XKR4: variants seen among roughly 807,000 people sequenced by gnomAD.
XKR4 encodes the protein XK-related protein 4.
In XKR4, 12 loss-of-function variants were observed where a neutral mutation model predicts 53.9. That is an observed-to-expected ratio of 0.22 (90% CI 0.14 to 0.36). XKR4 has a LOEUF of 0.36. Ranked by LOEUF, XKR4 falls within the 10% of genes least tolerant of loss-of-function variation. The pLI, the probability that XKR4 is intolerant of heterozygous loss-of-function variation, is 1.00. For missense variants in XKR4, 799 were observed against 859.5 expected (o/e 0.93, Z 0.88); for synonymous variants, 354 against 362.4 (o/e 0.98, Z 0.26).
chr8:55,477,180 C>T (rs1806005956), intron 2 of XKR4, among the ~76,000 whole-genome samples: 1 of 152,078 alleles, frequency 6.6e-6, no homozygotes, highest in South Asian at 2.1e-4. Context: ...GCCGGATACT[C>T]CTCTGAGACA....
rs146434585 is a variant in XKR4, at chr8:55,202,413, C to G, written c.806+99119C>G. ...TCATGCCCTGAAAGGATGCCCTCAC[C>G]AAGGGGCCCCTCCACAAACGTGGAA... On this transcript the variant is annotated intron_variant, in intron 1 of 2. Transcript: ENST00000327381. Among the ~76,000 whole-genome samples the G allele has an allele frequency of 3.3e-5, 5 of 152,316 alleles. No individual in the cohort carries two copies. The East Asian group carries it at 9.6e-4, about 29-fold the overall frequency.
Position 55,524,099 on chromosome 8 carries a change from A to G in XKR4, c.1825A>G (p.Arg609Gly), listed in dbSNP as rs1325632007. 6.2e-7 allele frequency: 1 copy of G among 1,614,206 alleles called. No individual in the cohort carries two copies. Among genetic ancestry groups the G allele is most frequent in the Admixed American group, 1.7e-5 (1 of 60,030 alleles). ...LFRNRYPAWERHVLDRSLRKA... is the reference protein window; with the variant it reads ...LFRNRYPAWEGHVLDRSLRKA... ...CAGGAATAGGTACCCAGCATGGGAG[A>G]GACATGTTTTGGACCGAAGCCTCCG... Residue 609 changes from arginine to glycine, a missense_variant, in exon 3 of 3, where the codon AGA becomes GGA. Physicochemically the swap from Arg to Gly is moderately radical, Grantham distance 125. This residue lies in a region of XKR4 where 269 missense variants were observed against 264.4 expected (regional missense o/e 1.02). Coordinates refer to ENST00000327381, the MANE Select transcript of XKR4 (RefSeq NM_052898.2).
At chr8:55,409,394 C>T (rs555592797) in intron 2 of XKR4, among the ~76,000 whole-genome samples, 1 of 152,266 alleles carries the variant, frequency 6.6e-6, no homozygotes, top group Admixed American at 6.5e-5. Context: ...ATTTCTGACC[C>T]CAGGACTTTG....
At chr8:55,424,196 G>A (rs915178563) in intron 2 of XKR4, among the ~76,000 whole-genome samples, 2 of 152,166 alleles carry the variant, frequency 1.3e-5, no homozygotes, top group African/African-American at 4.8e-5. Context: ...AAAAATGTAG[G>A]CTTGCCTCTC....
At chr8:55,491,602 A>T (rs1463535270) in intron 2 of XKR4, among the ~76,000 whole-genome samples, 1 of 151,234 alleles carries the variant, frequency 6.6e-6, no homozygotes, top group East Asian at 1.9e-4. Context: ...CAGGTGTTCA[A>T]TGGGCTCTTT....
chr8:55,247,225 T>C (rs1033102835), intron 1 of XKR4, among the ~76,000 whole-genome samples: 3 of 152,226 alleles, frequency 2.0e-5, no homozygotes, highest in Non-Finnish European at 4.4e-5. Flanking sequence ...GTGGTAAGTG[T>C]GGGCAGGAAG....
chr8:55,250,432 C>T (rs114450851), intron 1 of XKR4, among the ~76,000 whole-genome samples: 4 of 152,312 alleles, frequency 2.6e-5, no homozygotes, highest in African/African-American at 9.6e-5. Context: ...TACATTCTAG[C>T]TCTGGCTGCC....
chr8:55,450,492 G>A, intron 2 of XKR4: 1 of 627,624 alleles, frequency 1.6e-6, no homozygotes, highest in Non-Finnish European at 3.0e-6. Flanking sequence ...TCGTACAGCA[G>A]CCCCAGCTCA....
chr8:55,334,719 C>G lies in XKR4; in HGVS notation c.807-22959C>G, dbSNP rs188614412. Among the ~76,000 whole-genome samples, 323 of 152,210 alleles carry G rather than the reference C, an allele frequency of 2.1e-3. 6 individuals carry two copies. The highest frequency in any genetic ancestry group is 3.1e-4 in the Non-Finnish European group (21 of 68,000). ...TGATGGCCTGAGATGTGTATGGGTG[C>G]AGGTGTACACATACAGATAATGTGT... On this transcript the variant is annotated intron_variant, in intron 1 of 2. Coordinates refer to ENST00000327381, the MANE Select transcript of XKR4 (RefSeq NM_052898.2).
chr8:55,524,863 G>A lies in XKR4; in HGVS notation c.*636G>A, dbSNP rs1001714183. The A allele has an allele frequency of 8.5e-5, 13 of 152,642 alleles. No homozygotes were observed. The highest frequency in any genetic ancestry group is 2.7e-4 in the African/African-American group (11 of 41,442). 9.5% of individuals were successfully genotyped at this position (152,642 alleles called of 1,614,324 possible). A position where few individuals can be genotyped will look rare whatever the true frequency, so the allele number is the denominator to read the frequency against. The stretch of plus-strand genomic sequence containing the variant: ...CACATGTGTTAGCATTGATGGAGTG[G>A]TTCATTTTCTACACATTTCAGGATT... On this transcript the variant is annotated 3_prime_UTR_variant, in exon 3 of 3. Coordinates refer to ENST00000327381, the MANE Select transcript of XKR4 (RefSeq NM_052898.2).
At chr8:55,109,199 G>A (rs779432888) in intron 1 of XKR4, among the ~76,000 whole-genome samples, 23 of 152,090 alleles carry the variant, frequency 1.5e-4, no homozygotes, top group African/African-American at 2.7e-4. Flanking sequence ...CTGGAGTGTC[G>A]AAGCATAGTC....
chr8:55,391,688 T>TTAGAAATATA (rs879654821), intron 2 of XKR4, among the ~76,000 whole-genome samples: 13 of 152,094 alleles, frequency 8.5e-5, no homozygotes, highest in African/African-American at 1.7e-4. Flanking sequence ...AAATTTGACT[T>TTAGAAATATA]TAGAAATATA....
At chr8:55,213,856 C>CTTTTTTTTTTTTTTTTTTTTTTTT (rs11433893) in intron 1 of XKR4, among the ~76,000 whole-genome samples, 1 of 82,348 alleles carries the variant, frequency 1.2e-5, no homozygotes, top group Non-Finnish European at 2.2e-5. Context: ...TTCTTTCTTT[C>CTTTTTTTTTTTTTTTTTTTTTTTT]TTTTTTTTTT....
At chr8:55,267,987 AG>A (rs1818635577) in intron 1 of XKR4, among the ~76,000 whole-genome samples, 1 of 152,212 alleles carries the variant, frequency 6.6e-6, no homozygotes, top group African/African-American at 2.4e-5. Context: ...GTTCTGGCTA[AG>A]GGATAAAAGA....
At chr8:55,273,578 C>T (rs892167064) in intron 1 of XKR4, among the ~76,000 whole-genome samples, 1 of 152,166 alleles carries the variant, frequency 6.6e-6, no homozygotes, top group African/African-American at 2.4e-5. Context: ...TTTGCAGACC[C>T]TGCACTTGAT....
intron 2 of XKR4, among the ~76,000 whole-genome samples, chr8:55,508,346 T>G (rs1165575200): frequency 6.6e-6 from 1 of 152,194 alleles, no homozygotes; most frequent in East Asian, 1.9e-4. Flanking sequence ...TACCTCAATT[T>G]AGAACATCTC....
chr8:55,208,482 CT>C (rs201210148), intron 1 of XKR4, among the ~76,000 whole-genome samples: 9 of 148,314 alleles, frequency 6.1e-5, no homozygotes, highest in African/African-American at 9.9e-5. Context: ...TTTTTCTTTT[CT>C]TTTTTTTTTG....
intron 2 of XKR4, among the ~76,000 whole-genome samples, chr8:55,456,134 A>G (rs533112810): frequency 1.2e-4 from 18 of 152,198 alleles, no homozygotes; most frequent in Admixed American, 2.0e-4. Flanking sequence ...ATCAATAGAG[A>G]TTGACTCAGA....
chr8:55,338,016 T>C (rs534089658), intron 1 of XKR4, among the ~76,000 whole-genome samples: 10 of 152,304 alleles, frequency 6.6e-5, no homozygotes, highest in Admixed American at 6.5e-4. Flanking sequence ...AATCAAAAAC[T>C]GATTACAGAA....
Sources: gnomAD v4.1 joint callset for allele counts (sites outside exome capture counted in the v4.1 genomes callset) on GRCh38, gnomAD v4.1.1 for gene constraint, gnomAD v4.1.1 regional missense constraint, MANE v1.5 for transcripts, NCBI Gene and HGNC (gene_info 2026-07-23, HGNC 2026-07-21) for gene names.